The following UBE3D variants were observed in gnomAD, a reference collection of about 807,000 sequenced individuals.
The protein encoded by UBE3D is ubiquitin protein ligase E3D, also known as E3 ubiquitin-protein ligase E3D.
UBE3D carries 48 observed loss-of-function variants against 49.6 expected under a neutral mutation model. That is an observed-to-expected ratio of 0.97 (90% CI 0.77 to 1.23). The LOEUF (loss-of-function observed/expected upper bound fraction) is 1.23, where lower values mean the gene tolerates loss of function less well. Among genes scored for constraint, UBE3D ranks in the 50% most tolerant of loss-of-function variants. The pLI, the probability that UBE3D is intolerant of heterozygous loss-of-function variation, is 0.00. For synonymous variants in UBE3D, 189 were observed against 174.2 expected (o/e 1.08, Z -0.67); for missense variants, 452 against 468.4 (o/e 0.96, Z 0.32).
chr6:83,044,713 T>G (rs1782910733), intron 3 of UBE3D, 54 bp from the exon 4 acceptor site: 2 of 1,385,510 alleles, frequency 1.4e-6, no homozygotes, highest in Non-Finnish European at 2.0e-6. Flanking sequence ...ACTAACATTT[T>G]CTTAATTAAA....
intron 9 of UBE3D, among the ~76,000 whole-genome samples, chr6:82,924,110 A>G (rs1164250092): frequency 6.6e-6 from 1 of 152,222 alleles, no homozygotes; most frequent in Non-Finnish European, 1.5e-5. Context: ...GGTAGGAGAA[A>G]AAAGAAAAGT....
intron 8 of UBE3D, 53 bp from the exon 9 acceptor site, chr6:82,957,503 A>C: frequency 1.3e-6 from 2 of 1,547,416 alleles, no homozygotes; most frequent in East Asian, 4.6e-5. Context: ...TAATTATTTT[A>C]AAAATCTGAT....
rs528200963 is a variant in UBE3D at position 82,897,152 on chromosome 6, A to G, written c.1150-4110T>C. Among the ~76,000 whole-genome samples, 5 of 152,172 alleles carry G rather than the reference A, an allele frequency of 3.3e-5. No homozygotes were observed. In the South Asian group the frequency reaches 8.3e-4, roughly 25 times the overall value. The stretch of plus-strand genomic sequence containing the variant: ...CACAAATGTTCCTTTTAAAAAGGAC[A>G]TTGTTGACTTAAAAAAAAAACACAA... On this transcript the variant is annotated intron_variant, in intron 9 of 9. Coordinates refer to ENST00000369747, the MANE Select transcript of UBE3D (RefSeq NM_198920.3).
In UBE3D at chr6:83,015,118, T is replaced by C. The variant is rs1274975448; in HGVS notation, c.1010+3855A>G. ...AATTATTCCAATTGCATTTAAATTT[T>C]GTAGTTGAGTGACTGCAGTTCCCAC... On this transcript the variant is annotated intron_variant, in intron 8 of 9. Coordinates refer to ENST00000369747, the MANE Select transcript of UBE3D (RefSeq NM_198920.3). 2.0e-5 allele frequency among the ~76,000 whole-genome samples: 3 copies of C among 152,200 alleles called. No homozygotes were observed. In the East Asian group the frequency reaches 5.8e-4, roughly 29 times the overall value.
At chr6:82,954,822 C>G (rs1362832116) in intron 9 of UBE3D, among the ~76,000 whole-genome samples, 1 of 152,164 alleles carries the variant, frequency 6.6e-6, no homozygotes, top group Non-Finnish European at 1.5e-5. Context: ...TTCACTGATC[C>G]TTCATCTTGG....
At chr6:82,963,865 C>G (rs751264788) in intron 8 of UBE3D, among the ~76,000 whole-genome samples, 1 of 152,096 alleles carries the variant, frequency 6.6e-6, no homozygotes, top group African/African-American at 2.4e-5. Context: ...ATTTTAAGAA[C>G]CATAGGGCAG....
intron 9 of UBE3D, among the ~76,000 whole-genome samples, chr6:82,918,313 C>T (rs568646569): frequency 6.7e-6 from 1 of 150,306 alleles, no homozygotes; most frequent in African/African-American, 2.4e-5. Flanking sequence ...AAAAAATAAA[C>T]CCTTTCATTT....
At position 83,000,381 on chromosome 6, in the gene UBE3D, G is replaced by A. The variant is rs191503666; in HGVS notation, c.1010+18592C>T. Among the ~76,000 whole-genome samples, 526 of 152,152 alleles carry A rather than the reference G, an allele frequency of 3.5e-3. 1 individual carries two copies. The highest frequency in any genetic ancestry group is 5.6e-3 in the Non-Finnish European group (381 of 68,020). On this transcript the variant is annotated intron_variant, in intron 8 of 9. Coordinates refer to ENST00000369747, the MANE Select transcript of UBE3D (RefSeq NM_198920.3). ...CCAATATTATCTATCCCAGTATATA[G>A]TGGCCCATTCCTCAAATCCAATCAA... is the stretch of plus-strand genomic sequence containing the variant.
At chr6:82,946,816 T>C (rs1414066600) in intron 9 of UBE3D, among the ~76,000 whole-genome samples, 1 of 152,004 alleles carries the variant, frequency 6.6e-6, no homozygotes, top group African/African-American at 2.4e-5. Context: ...TGCTTGTTTG[T>C]TTATGCAAGC....
At chr6:82,897,388 C>T (rs796873595) in intron 9 of UBE3D, among the ~76,000 whole-genome samples, 12 of 152,004 alleles carry the variant, frequency 7.9e-5, no homozygotes, top group African/African-American at 2.4e-4. Context: ...GTCAGGAGTT[C>T]GAGACCAGCC....
chr6:83,059,755 T>C (rs568650829), intron 1 of UBE3D, among the ~76,000 whole-genome samples: 7 of 151,080 alleles, frequency 4.6e-5, no homozygotes, highest in East Asian at 2.0e-4. Flanking sequence ...AGGGCATCCA[T>C]AGGGCCAAGC....
At chr6:83,015,241 A>G (rs977279193) in intron 8 of UBE3D, among the ~76,000 whole-genome samples, 5 of 152,170 alleles carry the variant, frequency 3.3e-5, no homozygotes, top group African/African-American at 1.2e-4. Context: ...GGTCAAGGGT[A>G]TATCTTCTGG....
intron 9 of UBE3D, among the ~76,000 whole-genome samples, chr6:82,941,079 G>A (rs6917107): frequency 0.017 from 2,642 of 152,018 alleles, 69 homozygotes; most frequent in African/African-American, 0.059. Context: ...CGGGTGTGGC[G>A]TCTGTAATCT....
intron 5 of UBE3D, chr6:83,036,574 T>C (rs1782273864): frequency 1.3e-5 from 2 of 152,192 alleles, no homozygotes; most frequent in African/African-American, 4.8e-5. Flanking sequence ...TTATTTGCCT[T>C]GGTTTCTTTT....
At position 82,894,926 on chromosome 6, in the gene UBE3D, CTT is replaced by C. The variant is rs151327850; in HGVS notation, c.1150-1886_1150-1885del. On this transcript the variant is annotated intron_variant, in intron 9 of 9. Coordinates refer to ENST00000369747, the MANE Select transcript of UBE3D (RefSeq NM_198920.3). ...GACGATGGAAGAAAACCATTTATCT[CTT>C]TTGTAATTCTGAAAATTGCTATGTC... 2.0e-3 allele frequency among the ~76,000 whole-genome samples: 299 copies of C among 152,328 alleles called. 10 individuals are homozygous for C. The East Asian group carries it at 0.053, about 27-fold the overall frequency.
At chr6:82,950,401 T>C (rs140943443) in intron 9 of UBE3D, among the ~76,000 whole-genome samples, 115 of 152,280 alleles carry the variant, frequency 7.6e-4, no homozygotes, top group Middle Eastern at 3.4e-3. Context: ...GGAACTCTCT[T>C]ACACTGTTGG....
intron 9 of UBE3D, among the ~76,000 whole-genome samples, chr6:82,914,207 G>T (rs1372275060): frequency 6.6e-6 from 1 of 152,172 alleles, no homozygotes; most frequent in East Asian, 1.9e-4. Context: ...ATTTTGTTTA[G>T]TGTGAAAAAG....
chr6:82,887,409 T>TTGTTTTGTTTTG (rs1562053954), downstream of UBE3D, among the ~76,000 whole-genome samples: 36 of 147,626 alleles, frequency 2.4e-4, 1 homozygote, highest in Admixed American at 6.1e-4. Context: ...TTTTTTTTTT[T>TTGTTTTGTTTTG]TTTCAGAAAG....
chr6:82,920,849 A>AAAC (rs1355443636), intron 9 of UBE3D, among the ~76,000 whole-genome samples: 1 of 151,874 alleles, frequency 6.6e-6, no homozygotes, highest in Non-Finnish European at 1.5e-5. Flanking sequence ...ACAAACAAAC[A>AAAC]AAAAAGGAAG....
Sources: allele counts gnomAD v4.1 joint callset (sites outside exome capture counted in the v4.1 genomes callset), GRCh38; gene constraint gnomAD v4.1.1; transcripts MANE v1.5; gene names NCBI Gene and HGNC (gene_info 2026-07-23, HGNC 2026-07-21).